CSF1: variants seen among roughly 807,000 people sequenced by gnomAD.
CSF1 encodes colony stimulating factor 1.
CSF1 carries 9 observed loss-of-function variants against 48.9 expected under a neutral mutation model. The ratio of observed to expected loss-of-function variants is 0.18; its 90% CI spans 0.11 to 0.32. The LOEUF is 0.32. Ranked by LOEUF, CSF1 falls within the 10% of genes least tolerant of loss-of-function variation. The probability of loss-of-function intolerance (pLI) is 1.00; values close to 1 mark genes in which losing one functional copy is unlikely to be tolerated. For missense variants in CSF1, 672 were observed against 697.9 expected (o/e 0.96, Z 0.42); for synonymous variants, 305 against 284.1 (o/e 1.07, Z -0.74).
At chr1:109,920,695 G>T (rs758960311) in intron 4 of CSF1, among the ~76,000 whole-genome samples, 14 of 152,156 alleles carry the variant, frequency 9.2e-5, no homozygotes, top group Non-Finnish European at 1.8e-4. Flanking sequence ...TCACAGCCTA[G>T]AAAAGCCCAT....
chr1:109,914,031 G>T (rs533678561), intron 1 of CSF1, among the ~76,000 whole-genome samples: 4 of 152,232 alleles, frequency 2.6e-5, no homozygotes, highest in Non-Finnish European at 5.9e-5. Context: ...ATCTGGGAAG[G>T]CTTCTTGTAG....
In CSF1 at chr1:109,930,352, T is replaced by C. The variant is rs1250357629; in HGVS notation, c.*1514T>C. 6.6e-6 allele frequency: 1 copy of C among 152,304 alleles called. No homozygotes were observed. The highest frequency in any genetic ancestry group is 1.5e-5 in the Non-Finnish European group (1 of 68,092). 9.4% of individuals were successfully genotyped at this position (152,304 alleles called of 1,614,324 possible). ...CCTCCACTTTGTGGCCAGCCTGTGG[T>C]GGTGGCTCTGAGGCCTAGGCAACGA... is the stretch of plus-strand genomic sequence containing the variant. On this transcript the variant is annotated 3_prime_UTR_variant, in exon 9 of 9. Transcript: ENST00000329608.
intron 8 of CSF1, among the ~76,000 whole-genome samples, chr1:109,928,210 C>T (rs1231218433): frequency 6.6e-6 from 1 of 152,150 alleles, no homozygotes; most frequent in African/African-American, 2.4e-5. Context: ...GCCCTGACTC[C>T]CATGGATGAT....
chr1:109,923,049 T>G, intron 5 of CSF1, 117 bp from the exon 6 acceptor site: 1 of 1,001,486 alleles, frequency 1.0e-6, no homozygotes, highest in Non-Finnish European at 1.4e-6. Flanking sequence ...AGCTAGGAGA[T>G]GAGGGCCCCC....
chr1:109,918,529 G>A (rs1172520577), intron 4 of CSF1, among the ~76,000 whole-genome samples: 2 of 152,258 alleles, frequency 1.3e-5, no homozygotes, highest in East Asian at 1.9e-4. Flanking sequence ...GACAGTGAAG[G>A]TGGAGGCAAG....
At position 109,923,919 on chromosome 1, in the gene CSF1, G is replaced by A; in HGVS notation, c.1298G>A (p.Ser433Asn). The change falls in exon 6 of 9, where the codon AGC (serine) becomes AAC (asparagine). Residue 433 changes from serine (S) to asparagine (N), a missense_variant. Around this residue, in one of 3 missense-constraint regions of CSF1, gnomAD observed 591 missense variants for 593.6 expected, o/e 1.00. Coordinates refer to ENST00000329608, the MANE Select transcript of CSF1 (RefSeq NM_000757.6). ...CTTTCCAGAAGCCACTCCTCGGGCA[G>A]CGTGCTGCCCCTTGGGGAGCTGGAG... is the stretch of plus-strand genomic sequence containing the variant. The part of the protein sequence containing the change: ...PQLSRSHSSG[S>N]VLPLGELEGR... 1 of 1,614,138 alleles carries A rather than the reference G, an allele frequency of 6.2e-7. No homozygotes were observed. The highest frequency in any genetic ancestry group is 8.5e-7 in the Non-Finnish European group (1 of 1,179,942).
chr1:109,917,997 C>T (rs945679034), intron 4 of CSF1, among the ~76,000 whole-genome samples: 1 of 152,094 alleles, frequency 6.6e-6, no homozygotes, highest in Non-Finnish European at 1.5e-5. Context: ...AGGGATGAGA[C>T]GACCCGAAGG....
intron 1 of CSF1, among the ~76,000 whole-genome samples, chr1:109,911,715 C>G (rs555439517): frequency 6.6e-6 from 1 of 152,202 alleles, no homozygotes; most frequent in Non-Finnish European, 1.5e-5. Flanking sequence ...AGCTCAGAAT[C>G]TCTTTTTCTT....
intron 8 of CSF1, among the ~76,000 whole-genome samples, chr1:109,925,911 T>C (rs1237302492): frequency 6.6e-6 from 1 of 152,154 alleles, no homozygotes; most frequent in Non-Finnish European, 1.5e-5. Flanking sequence ...GAGGCAAAAC[T>C]GGCTTCCCTG....
chr1:109,914,417 C>T (rs1248198006), intron 2 of CSF1, 36 bp downstream of exon 2: 2 of 1,533,068 alleles, frequency 1.3e-6, no homozygotes, highest in Non-Finnish European at 1.8e-6. Flanking sequence ...TACCTTCTCC[C>T]CACTGGGGAA....
intron 4 of CSF1, among the ~76,000 whole-genome samples, chr1:109,920,290 G>C (rs1647469876): frequency 6.6e-6 from 1 of 151,960 alleles, no homozygotes; most frequent in African/African-American, 2.4e-5. Context: ...CAAGTAAACT[G>C]CCGGAGTCTC....
Position 109,911,071 on chromosome 1 carries a change from C to T in CSF1, c.39+9C>T. 4 of 1,077,810 alleles carry T rather than the reference C, an allele frequency of 3.7e-6. No individual in the cohort carries two copies. Among genetic ancestry groups the T allele is most frequent in the Non-Finnish European group, 4.5e-6 (4 of 891,412 alleles). 66.8% of individuals were successfully genotyped at this position (1,077,810 alleles called of 1,614,324 possible). On this transcript the variant is annotated intron_variant, in intron 1 of 8. Transcript: ENST00000329608. ...GGCGCTGCCCTCCCACGGTAAGCGACGGCCGCGGCGCTGGGCCCGGGACGG... is the reference window on the plus strand; with the variant it reads ...GGCGCTGCCCTCCCACGGTAAGCGATGGCCGCGGCGCTGGGCCCGGGACGG...
chr1:109,913,294 G>A (rs1451312232), intron 1 of CSF1, among the ~76,000 whole-genome samples: 1 of 152,222 alleles, frequency 6.6e-6, no homozygotes, highest in African/African-American at 2.4e-5. Context: ...GGCATCAGCC[G>A]CCAGGAGGCT....
At position 109,928,863 on chromosome 1, in the gene CSF1, G is replaced by A. The variant is rs1647951770; in HGVS notation, c.*25G>A. 1 of 152,758 alleles carries A rather than the reference G, an allele frequency of 6.5e-6. No homozygotes were observed. The highest frequency in any genetic ancestry group is 2.4e-5 in the African/African-American group (1 of 41,446). The allele number at this position is 152,758 out of a possible 1,614,324, so 9.5% of individuals were successfully genotyped here. A position where few individuals can be genotyped will look rare whatever the true frequency, so the allele number is the denominator to read the frequency against. On this transcript the variant is annotated 3_prime_UTR_variant, in exon 9 of 9. Transcript: ENST00000329608. Reference sequence around the variant, plus strand: ...CTTCTCTCCCACAGCTGGACGCACAGAACAGTCTCTCCGTGGGAGGAGACA... The same window carrying A: ...CTTCTCTCCCACAGCTGGACGCACAAAACAGTCTCTCCGTGGGAGGAGACA...
At chr1:109,912,508 G>C (rs1002808271) in intron 1 of CSF1, among the ~76,000 whole-genome samples, 3 of 152,174 alleles carry the variant, frequency 2.0e-5, no homozygotes, top group African/African-American at 7.2e-5. Flanking sequence ...TCCTGAGGCA[G>C]AATGGAGGCC....
Position 109,924,081 on chromosome 1 carries a change from G to T in CSF1, c.1460G>T (p.Gly487Val). Residue 487 changes from glycine (G) to valine (V), a missense_variant, in exon 6 of 9, where the codon GGA becomes GTA. Around this residue, in one of 3 missense-constraint regions of CSF1, gnomAD observed 591 missense variants for 593.6 expected, o/e 1.00. Transcript: ENST00000329608. ...TDTGHERQSE[G>V]SFSPQLQESV... ...ACAGGCCATGAGAGGCAGTCCGAGG[G>T]ATCCTTCAGCCCGCAGCTCCAGGAG... 2 of 1,614,196 alleles carry T rather than the reference G, an allele frequency of 1.2e-6. No individual in the cohort carries two copies. The highest frequency in any genetic ancestry group is 1.7e-6 in the Non-Finnish European group (2 of 1,180,022).
chr1:109,930,931 T>C lies in CSF1; in HGVS notation c.*2093T>C, dbSNP rs1202500979. 1 of 152,192 alleles carries C rather than the reference T, an allele frequency of 6.6e-6. No homozygotes were observed. The highest frequency in any genetic ancestry group is 1.5e-5 in the Non-Finnish European group (1 of 68,042). 9.4% of individuals were successfully genotyped at this position (152,192 alleles called of 1,614,324 possible). ...ATTATTTTATATAAAGTCATTTAAA[T>C]ATCTATTTAAAAGATAGGAAGCTGC... is the stretch of plus-strand genomic sequence containing the variant. On this transcript the variant is annotated 3_prime_UTR_variant, in exon 9 of 9. Transcript: ENST00000329608.
chr1:109,923,375 C>T lies in CSF1; in HGVS notation c.754C>T (p.Arg252Trp), dbSNP rs766926552. The change falls in exon 6 of 9, where the codon CGG becomes TGG. Residue 252 changes from arginine (R) to tryptophan (W), a missense_variant. Arg to Trp is a moderately radical substitution (Grantham distance 101). Around this residue, in one of 3 missense-constraint regions of CSF1, gnomAD observed 591 missense variants for 593.6 expected, o/e 1.00. Transcript: ENST00000329608. ...HTVDPGSAKQ[R>W]PPRSTCQSFE... ...AGTGGATCCAGGCAGTGCCAAGCAG[C>T]GGCCACCCAGGAGCACCTGCCAGAG... 29 of 1,612,808 alleles carry T rather than the reference C, an allele frequency of 1.8e-5. No homozygotes were observed. Among genetic ancestry groups the T allele is most frequent in the East Asian group, 2.2e-5 (1 of 44,870 alleles).
chr1:109,912,037 G>C (rs559502665), intron 1 of CSF1, among the ~76,000 whole-genome samples: 19 of 152,244 alleles, frequency 1.2e-4, no homozygotes, highest in African/African-American at 4.3e-4. Context: ...GGGGGTAGAG[G>C]AGAGCGGGCT....
Sources: allele counts gnomAD v4.1 joint callset (sites outside exome capture counted in the v4.1 genomes callset), GRCh38; gene constraint gnomAD v4.1.1; regional missense constraint gnomAD v4.1.1; transcripts MANE v1.5; gene names NCBI Gene and HGNC (gene_info 2026-07-23, HGNC 2026-07-21).